ADGRL3: variants seen among roughly 807,000 people sequenced by gnomAD.
ADGRL3 encodes the protein calcium-independent alpha-latrotoxin receptor 3.
In ADGRL3, 62 loss-of-function variants were observed where a neutral mutation model predicts 153.5. That is an observed-to-expected ratio of 0.40 (90% confidence interval 0.33 to 0.50). ADGRL3 has a LOEUF of 0.50. ADGRL3 is among the 20% of genes least tolerant of loss of function. The pLI is 0.47. For missense variants in ADGRL3, 1,641 were observed against 1,859.4 expected, an observed-to-expected ratio of 0.88 and a Z score of 2.16; for synonymous variants, 710 against 672.5, an observed-to-expected ratio of 1.06 and a Z score of -0.86.
intron 1 of ADGRL3, among the ~76,000 whole-genome samples, chr4:61,368,031 G>A (rs1168549022): frequency 6.6e-6 from 1 of 151,470 alleles, no homozygotes; most frequent in Non-Finnish European, 1.5e-5. Flanking sequence ...CTGCATAAAT[G>A]TCTTCTTTTG....
intron 5 of ADGRL3, among the ~76,000 whole-genome samples, chr4:61,595,398 G>A (rs1191507589): frequency 1.3e-5 from 2 of 152,036 alleles, no homozygotes; most frequent in African/African-American, 4.8e-5. Context: ...CCAGGACTGG[G>A]CTCTTCACTT....
chr4:61,530,506 T>C (rs1220067830), intron 4 of ADGRL3, among the ~76,000 whole-genome samples: 2 of 152,160 alleles, frequency 1.3e-5, no homozygotes, highest in Non-Finnish European at 2.9e-5. Flanking sequence ...AGTGCTGAGT[T>C]TGGTAAACAC....
At chr4:61,418,913 AG>A (rs1364834027) in intron 2 of ADGRL3, among the ~76,000 whole-genome samples, 1 of 150,746 alleles carries the variant, frequency 6.6e-6, no homozygotes, top group Non-Finnish European at 1.5e-5. Flanking sequence ...AAATTAATTT[AG>A]AAGTTTATTT....
At chr4:61,500,503 A>G (rs1037896063) in intron 3 of ADGRL3, among the ~76,000 whole-genome samples, 15 of 152,184 alleles carry the variant, frequency 9.9e-5, no homozygotes, top group African/African-American at 3.6e-4. Context: ...GCTTAAGAGA[A>G]TACTGCATAA....
At chr4:61,689,013 T>C (rs1222150190) in intron 6 of ADGRL3, among the ~76,000 whole-genome samples, 1 of 152,196 alleles carries the variant, frequency 6.6e-6, no homozygotes, top group Non-Finnish European at 1.5e-5. Flanking sequence ...CAGGCTGCAG[T>C]GCAGTGGCAC....
intron 2 of ADGRL3, among the ~76,000 whole-genome samples, chr4:61,432,579 T>TTTC (rs2097371630): frequency 6.0e-4 from 1 of 1,674 alleles, no homozygotes; most frequent in Admixed American, 0.01. Context: ...TCTTCCTTTC[T>TTTC]TTCTTTCTTT....
intron 1 of ADGRL3, among the ~76,000 whole-genome samples, chr4:61,351,861 A>G (rs2096058816): frequency 6.6e-6 from 1 of 152,218 alleles, no homozygotes; most frequent in Non-Finnish European, 1.5e-5. Flanking sequence ...TCTTGTTTTT[A>G]TGCTTGCTAA....
rs189574378 is a variant in ADGRL3, at chr4:61,544,739, T to G, written c.259+27221T>G. Reference sequence around the variant, plus strand: ...CATTTTTTATGGAGCAAGTCTTATGTTTTCAACATACATTACCAAATAATG... The same window carrying G: ...CATTTTTTATGGAGCAAGTCTTATGGTTTCAACATACATTACCAAATAATG... On this transcript the variant is annotated intron_variant, in intron 4 of 26. Coordinates refer to ENST00000683033, the MANE Select transcript of ADGRL3 (RefSeq NM_001387552.1). 5.6e-4 allele frequency among the ~76,000 whole-genome samples: 85 copies of G among 152,310 alleles called. 1 individual carries two copies. Among genetic ancestry groups the G allele is most frequent in the African/African-American group, 1.9e-3 (80 of 41,578 alleles).
At chr4:61,381,162 T>A (rs1463734870) in intron 1 of ADGRL3, among the ~76,000 whole-genome samples, 1 of 151,952 alleles carries the variant, frequency 6.6e-6, no homozygotes, top group African/African-American at 2.4e-5. Flanking sequence ...CTCTCTGTCC[T>A]TACCTATAAA....
rs3065141 is a variant in ADGRL3 at position 61,958,377 on chromosome 4, G to GTTTCTTTCTTTCTTTCTTTC, written c.2805+10129_2805+10148dup. ...GTTTATTAATGCTAATGTTGTAAAG[G>GTTTCTTTCTTTCTTTCTTTC]TTTCTTTCTTTCTTTCTTTCTTTCT... On this transcript the variant is annotated intron_variant, in intron 17 of 26. Coordinates refer to ENST00000683033, the MANE Select transcript of ADGRL3 (RefSeq NM_001387552.1). Among the ~76,000 whole-genome samples, 144 of 148,166 alleles carry GTTTCTTTCTTTCTTTCTTTC rather than the reference G, an allele frequency of 9.7e-4. 1 individual carries two copies. The highest frequency in any genetic ancestry group is 1.1e-3 in the African/African-American group (45 of 40,016).
chr4:61,205,552 T>G (rs2148750935), intron 1 of ADGRL3, among the ~76,000 whole-genome samples: 1 of 152,324 alleles, frequency 6.6e-6, no homozygotes, highest in South Asian at 2.1e-4. Flanking sequence ...GTATTGTAAT[T>G]TATTATTTGT....
At chr4:61,363,909 G>A (rs577712603) in intron 1 of ADGRL3, among the ~76,000 whole-genome samples, 25 of 152,180 alleles carry the variant, frequency 1.6e-4, no homozygotes, top group Admixed American at 2.6e-4. Flanking sequence ...TCCAGAGCAC[G>A]CACCTTTTGG....
intron 1 of ADGRL3, among the ~76,000 whole-genome samples, chr4:61,294,757 C>T (rs2094345631): frequency 6.6e-6 from 1 of 152,066 alleles, no homozygotes; most frequent in African/African-American, 2.4e-5. Flanking sequence ...GAAATAAGCG[C>T]TATTACTGCC....
intron 12 of ADGRL3, 30 bp downstream of exon 12, chr4:61,909,775 G>T: frequency 7.6e-7 from 1 of 1,321,316 alleles, no homozygotes; most frequent in South Asian, 1.5e-5. Flanking sequence ...GTGTGTGTGT[G>T]TGTGTGTGTG....
intron 6 of ADGRL3, among the ~76,000 whole-genome samples, chr4:61,686,399 T>C (rs1199177380): frequency 6.6e-6 from 1 of 152,158 alleles, no homozygotes; most frequent in African/African-American, 2.4e-5. Flanking sequence ...CAAATTAGCA[T>C]TGTTGATTTT....
At chr4:61,489,248 A>T (rs2152771382) in intron 2 of ADGRL3, among the ~76,000 whole-genome samples, 1 of 152,102 alleles carries the variant, frequency 6.6e-6, no homozygotes, top group South Asian at 2.1e-4. Context: ...GAAAGGACTT[A>T]AAACTGTCCT....
intron 8 of ADGRL3, among the ~76,000 whole-genome samples, chr4:61,792,980 C>CA (rs578014832): frequency 0.034 from 4,435 of 130,584 alleles, 108 homozygotes; most frequent in African/African-American, 0.078. Flanking sequence ...GGCAATTTAC[C>CA]AAAAAAAAAA....
At chr4:61,693,259 T>C (rs1336407829) in intron 6 of ADGRL3, among the ~76,000 whole-genome samples, 1 of 152,088 alleles carries the variant, frequency 6.6e-6, no homozygotes, top group Admixed American at 6.6e-5. Context: ...TTATTTAGTT[T>C]CCTATATAAA....
At chr4:61,725,876 TG>T (rs1327960137) in intron 6 of ADGRL3, among the ~76,000 whole-genome samples, 4 of 152,168 alleles carry the variant, frequency 2.6e-5, no homozygotes, top group Admixed American at 1.3e-4. Context: ...AGGTTGACCT[TG>T]GTCAAATCCT....
Sources: gnomAD v4.1 joint callset for allele counts (sites outside exome capture counted in the v4.1 genomes callset) on GRCh38, gnomAD v4.1.1 for gene constraint, MANE v1.5 for transcripts, NCBI Gene and HGNC (gene_info 2026-07-23, HGNC 2026-07-21) for gene names.